The following CTNNA2 variants were observed in gnomAD, a reference collection of about 807,000 sequenced individuals.
CTNNA2 encodes catenin alpha-2.
A neutral mutation model predicts 101.0 loss-of-function variants in CTNNA2; 42 were observed. The ratio of observed to expected loss-of-function variants is 0.42; its 90% confidence interval spans 0.32 to 0.54. CTNNA2 has a LOEUF of 0.54. CTNNA2 is among the 20% of genes least tolerant of loss of function. CTNNA2 has a pLI of 0.14. For synonymous variants in CTNNA2, 450 were observed against 456.4 expected, an observed-to-expected ratio of 0.99 and a Z score of 0.18; for missense variants, 871 against 1,223.1, an observed-to-expected ratio of 0.71 and a Z score of 4.29.
At chr2:79,659,637 T>C (rs1019783358) in intron 2 of CTNNA2, among the ~76,000 whole-genome samples, 1 of 152,140 alleles carries the variant, frequency 6.6e-6, no homozygotes, top group African/African-American at 2.4e-5. Flanking sequence ...TCATACTAGG[T>C]TCCATTTTCA....
chr2:79,491,471 G>A (rs1671206916), intron 4 of CTNNA2, among the ~76,000 whole-genome samples: 1 of 152,066 alleles, frequency 6.6e-6, no homozygotes, highest in Non-Finnish European at 1.5e-5. Context: ...AAACAGAAAT[G>A]GAAACTATTT....
chr2:80,071,293 T>C (rs961178258), intron 7 of CTNNA2, among the ~76,000 whole-genome samples: 2 of 152,204 alleles, frequency 1.3e-5, no homozygotes, highest in South Asian at 2.1e-4. Flanking sequence ...AAAGGAGAGA[T>C]AGTAACAAAG....
intron 7 of CTNNA2, among the ~76,000 whole-genome samples, chr2:79,957,945 C>A (rs901557417): frequency 8.5e-5 from 13 of 152,184 alleles, no homozygotes; most frequent in Admixed American, 5.2e-4. Context: ...GACAGCTCTT[C>A]AGATTCTTAA....
intron 3 of CTNNA2, among the ~76,000 whole-genome samples, chr2:79,346,639 C>A (rs1222969829): frequency 6.6e-6 from 1 of 152,138 alleles, no homozygotes; most frequent in Non-Finnish European, 1.5e-5. Flanking sequence ...GAAGATATTT[C>A]CTAATTGATA....
intron 4 of CTNNA2, among the ~76,000 whole-genome samples, chr2:79,859,631 TA>T (rs201029151): frequency 0.044 from 6,699 of 151,156 alleles, 200 homozygotes; most frequent in East Asian, 0.13. Context: ...TTTTTATTTT[TA>T]TTTTTTCCTC....
chr2:80,007,636 C>T (rs1274297314), intron 7 of CTNNA2, among the ~76,000 whole-genome samples: 1 of 152,166 alleles, frequency 6.6e-6, no homozygotes, highest in Middle Eastern at 3.2e-3. Context: ...CTAAAGCAAC[C>T]TTCTCTTTCT....
At chr2:79,951,284 G>C (rs1047634368) in intron 7 of CTNNA2, among the ~76,000 whole-genome samples, 8 of 152,106 alleles carry the variant, frequency 5.3e-5, no homozygotes, top group African/African-American at 1.9e-4. Flanking sequence ...CAGCCACCCC[G>C]CCCAAAGATA....
At chr2:80,043,715 T>C (rs1167334743) in intron 7 of CTNNA2, among the ~76,000 whole-genome samples, 1 of 152,228 alleles carries the variant, frequency 6.6e-6, no homozygotes, top group Non-Finnish European at 1.5e-5. Flanking sequence ...AGTCTGTTAA[T>C]CATACAACTC....
At chr2:79,199,597 G>C (rs115382055) in intron 2 of CTNNA2, among the ~76,000 whole-genome samples, 375 of 152,202 alleles carry the variant, frequency 2.5e-3, no homozygotes, top group African/African-American at 8.6e-3. Flanking sequence ...GCGTTGGACT[G>C]ACCAGCACAA....
rs374555744 is a variant in CTNNA2 at position 80,090,133 on chromosome 2, ACT to A, written c.1056+180349_1056+180350del. On this transcript the variant is annotated intron_variant, in intron 7 of 18. Coordinates refer to ENST00000402739, the MANE Select transcript of CTNNA2 (RefSeq NM_001282597.3). ...ATAGTAGAGAAAGAAAGGAAGTTTCACTCTCTCTCTCTCTGTGTGTGTGTGTG... is the reference window on the plus strand; with the variant it reads ...ATAGTAGAGAAAGAAAGGAAGTTTCACTCTCTCTCTCTGTGTGTGTGTGTG... 7.6e-3 allele frequency among the ~76,000 whole-genome samples: 758 copies of A among 100,214 alleles called. 1 individual carries two copies. Among genetic ancestry groups the A allele is most frequent in the South Asian group, 0.031 (62 of 1,982 alleles). The allele number at this position is 100,214 out of a possible 152,430, so 65.7% of individuals were successfully genotyped here.
At chr2:80,289,882 G>A (rs1301610196) in intron 7 of CTNNA2, among the ~76,000 whole-genome samples, 2 of 152,184 alleles carry the variant, frequency 1.3e-5, no homozygotes, top group African/African-American at 4.8e-5. Flanking sequence ...ATGGAGTAAT[G>A]AAGGACTTAA....
chr2:80,305,340 G>A, intron 7 of CTNNA2: 3 of 985,346 alleles, frequency 3.0e-6, no homozygotes, highest in Non-Finnish European at 3.6e-6. Flanking sequence ...CTGTGTGCAG[G>A]GAGACTTGAC....
At chr2:79,335,652 C>T (rs535475589) in intron 3 of CTNNA2, among the ~76,000 whole-genome samples, 15 of 152,310 alleles carry the variant, frequency 9.8e-5, no homozygotes, top group Admixed American at 3.3e-4. Context: ...GTCTTAGTTA[C>T]TCCAAAATAG....
chr2:80,580,329 C>G (rs947250512), intron 13 of CTNNA2, among the ~76,000 whole-genome samples: 1 of 152,116 alleles, frequency 6.6e-6, no homozygotes, highest in Non-Finnish European at 1.5e-5. Context: ...TTATCTTTTC[C>G]TTATCACTGA....
chr2:79,441,825 C>T (rs886532940), intron 4 of CTNNA2, among the ~76,000 whole-genome samples: 4 of 152,166 alleles, frequency 2.6e-5, no homozygotes, highest in Non-Finnish European at 5.9e-5. Flanking sequence ...GCCTCTACTC[C>T]TCCCTCTAAT....
chr2:80,628,653 G>A (rs1671953115), intron 18 of CTNNA2, among the ~76,000 whole-genome samples: 1 of 151,998 alleles, frequency 6.6e-6, no homozygotes, highest in Admixed American at 6.6e-5. Context: ...TCCGCAAACA[G>A]TTTAAAAGGC....
At chr2:80,384,141 A>G (rs568458097) in intron 7 of CTNNA2, among the ~76,000 whole-genome samples, 22 of 152,298 alleles carry the variant, frequency 1.4e-4, no homozygotes, top group African/African-American at 5.3e-4. Context: ...CAAAGAGGGG[A>G]ACAACAGACG....
At chr2:79,835,930 C>A (rs1367618735) in intron 3 of CTNNA2, among the ~76,000 whole-genome samples, 1 of 151,968 alleles carries the variant, frequency 6.6e-6, no homozygotes, top group Non-Finnish European at 1.5e-5. Flanking sequence ...TGAGCCCAGC[C>A]CTTTCTTTGT....
intron 7 of CTNNA2, among the ~76,000 whole-genome samples, chr2:80,306,001 C>T (rs1007560145): frequency 2.0e-5 from 3 of 152,168 alleles, no homozygotes; most frequent in Admixed American, 6.5e-5. Context: ...ATTACCAGAG[C>T]CAGGGTAGAT....
Sources: allele counts gnomAD v4.1 joint callset (sites outside exome capture counted in the v4.1 genomes callset), GRCh38; gene constraint gnomAD v4.1.1; transcripts MANE v1.5; gene names NCBI Gene and HGNC (gene_info 2026-07-23, HGNC 2026-07-21).